ITGA1: variants seen among roughly 807,000 people sequenced by gnomAD.
The protein encoded by ITGA1 is integrin alpha-1.
ITGA1 carries 85 observed loss-of-function variants against 145.9 expected under a neutral mutation model. The observed-to-expected ratio is 0.58, with a 90% confidence interval of 0.49 to 0.70. ITGA1 has a LOEUF of 0.70. Among genes scored for constraint, ITGA1 ranks in the 30% least tolerant of loss-of-function variants. The pLI, the probability that ITGA1 is intolerant of heterozygous loss-of-function variation, is 0.00. For missense variants in ITGA1, 1,351 were observed against 1,418.7 expected (o/e 0.95, Z 0.77); for synonymous variants, 520 against 495.3 (o/e 1.05, Z -0.66).
Position 52,920,426 on chromosome 5 carries a change from A to G in ITGA1, c.2250A>G (p.Thr750=), listed in dbSNP as rs779992920. 1.2e-6 allele frequency: 2 copies of G among 1,610,094 alleles called. No homozygotes were observed. Among genetic ancestry groups the G allele is most frequent in the Non-Finnish European group, 1.7e-6 (2 of 1,178,416 alleles). Residue 750 remains threonine, a synonymous_variant, in exon 17 of 29, where the codon ACA becomes ACG. Transcript: ENST00000282588. ...TQERKVQRNI[T]VRKSECTKHS... ...AGAGAAAGGTTCAAAGGAACATCAC[A>G]GTTCGAAAATCAGAATGCACTAAGC...
chr5:52,870,896 C>T (rs1749766768), intron 6 of ITGA1, among the ~76,000 whole-genome samples: 1 of 152,156 alleles, frequency 6.6e-6, no homozygotes, highest in South Asian at 2.1e-4. Context: ...GAAGGGAGTT[C>T]TCCAAAGAAC....
intron 11 of ITGA1, chr5:52,902,976 GCTCT>G (rs1412174063): frequency 6.6e-6 from 1 of 151,804 alleles, no homozygotes; most frequent in Non-Finnish European, 1.5e-5. Flanking sequence ...CTTGGCTCTG[GCTCT>G]CTTTTTCTTT....
intron 6 of ITGA1, among the ~76,000 whole-genome samples, chr5:52,878,811 C>T (rs1473179679): frequency 2.0e-5 from 3 of 151,972 alleles, no homozygotes; most frequent in African/African-American, 7.3e-5. Flanking sequence ...TTCAAAGCCA[C>T]AGAAGCATAT....
intron 1 of ITGA1, chr5:52,800,669 A>T: frequency 6.2e-7 from 1 of 1,614,106 alleles, no homozygotes; most frequent in Non-Finnish European, 8.5e-7. Flanking sequence ...CAAGAGAATG[A>T]GTATGTCAAG....
rs577287929 is a variant in ITGA1 at position 52,793,278 on chromosome 5, C to T, written c.61+4864C>T. ...ATAGGCACTTTTTAATTGAATGAATCGCAAAAGAATTGACTATTGACAAAC... is the reference window on the plus strand; with the variant it reads ...ATAGGCACTTTTTAATTGAATGAATTGCAAAAGAATTGACTATTGACAAAC... On this transcript the variant is annotated intron_variant, in intron 1 of 28. Transcript: ENST00000282588. Among the ~76,000 whole-genome samples the T allele has an allele frequency of 1.4e-4, 21 of 152,084 alleles. No individual in the cohort carries two copies. The South Asian group carries it at 2.5e-3, about 18-fold the overall frequency.
chr5:52,845,940 G>C (rs1441119827), intron 1 of ITGA1, among the ~76,000 whole-genome samples: 1 of 152,154 alleles, frequency 6.6e-6, no homozygotes, highest in Non-Finnish European at 1.5e-5. Flanking sequence ...CTAGGGATGT[G>C]TTCTGCAAAC....
intron 1 of ITGA1, among the ~76,000 whole-genome samples, chr5:52,816,380 CCACTCACAGT>C (rs1003912807): frequency 6.6e-6 from 1 of 152,114 alleles, no homozygotes; most frequent in Non-Finnish European, 1.5e-5. Context: ...TCAATGTTAG[CCACTCACAGT>C]CACAGGTTTA....
chr5:52,891,571 A>T (rs10055174), intron 8 of ITGA1, among the ~76,000 whole-genome samples: 68,066 of 148,440 alleles, frequency 0.46, 16,333 homozygotes, highest in East Asian at 0.58. Context: ...AAAAAAAAAA[A>T]AAAAACCAAA....
intron 2 of ITGA1, among the ~76,000 whole-genome samples, chr5:52,857,079 G>A (rs1749526270): frequency 6.6e-6 from 1 of 152,194 alleles, no homozygotes; most frequent in Admixed American, 6.5e-5. Flanking sequence ...CCTAGCCTTA[G>A]AAGTCATAGT....
At chr5:52,876,884 C>A (rs1333205387) in intron 6 of ITGA1, among the ~76,000 whole-genome samples, 1 of 152,034 alleles carries the variant, frequency 6.6e-6, no homozygotes, top group African/African-American at 2.4e-5. Context: ...AAAAGTTTTG[C>A]AGAGAGAGTG....
chr5:52,911,601 T>C (rs1199585685), intron 14 of ITGA1, among the ~76,000 whole-genome samples: 32 of 67,282 alleles, frequency 4.8e-4, no homozygotes, highest in African/African-American at 9.1e-4. Flanking sequence ...CTACTATATA[T>C]ACTATATATA....
intron 11 of ITGA1, chr5:52,902,774 C>T (rs1319809524): frequency 6.6e-6 from 1 of 152,070 alleles, no homozygotes; most frequent in Non-Finnish European, 1.5e-5. Context: ...CGGGTTTCAT[C>T]ATGTTGGCCA....
At chr5:52,925,592 T>C in intron 19 of ITGA1, 105 bp downstream of exon 19, 1 of 864,066 alleles carries the variant, frequency 1.2e-6, no homozygotes, top group East Asian at 2.6e-5. Context: ...TTTGAAAGAA[T>C]AGAAGGAATT....
At chr5:52,942,586 AG>A (rs1751070390) in intron 26 of ITGA1, among the ~76,000 whole-genome samples, 1 of 147,612 alleles carries the variant, frequency 6.8e-6, no homozygotes, top group African/African-American at 2.5e-5. Flanking sequence ...GCTGGAGTCC[AG>A]TGGCGCGACC....
intron 1 of ITGA1, among the ~76,000 whole-genome samples, chr5:52,799,654 C>T (rs973369205): frequency 2.0e-5 from 3 of 152,236 alleles, no homozygotes; most frequent in Non-Finnish European, 2.9e-5. Context: ...CAGTAGTTCT[C>T]AGAAACCGCT....
chr5:52,830,511 T>C (rs1021307196), intron 1 of ITGA1, among the ~76,000 whole-genome samples: 1 of 152,216 alleles, frequency 6.6e-6, no homozygotes, highest in African/African-American at 2.4e-5. Context: ...AACTTAGTCA[T>C]TTTTAAGTTG....
intron 2 of ITGA1, among the ~76,000 whole-genome samples, chr5:52,861,221 T>C (rs573041389): frequency 1.1e-4 from 17 of 152,150 alleles, no homozygotes; most frequent in South Asian, 1.0e-3. Flanking sequence ...ATGCTATATA[T>C]GTATATTGTA....
chr5:52,952,418 C>A lies in ITGA1; in HGVS notation c.3507C>A (p.Phe1169Leu). 1 of 1,421,948 alleles carries A rather than the reference C, an allele frequency of 7.0e-7. No homozygotes were observed. The highest frequency in any genetic ancestry group is 1.5e-5 in the African/African-American group (1 of 68,434). The allele number at this position is 1,421,948 out of a possible 1,614,324, so 88.1% of individuals were successfully genotyped here. The change falls in exon 29 of 29, where the codon TTC becomes TTA. Residue 1169 changes from phenylalanine (F) to leucine (L), a missense_variant. Phe to Leu is a conservative substitution (Grantham distance 22). Coordinates refer to ENST00000282588, the MANE Select transcript of ITGA1 (RefSeq NM_181501.2). ...TGTTTTCTCAACAGATTGGATTCTTCAAAAGACCACTGAAAAAGAAAATGG... is the reference window on the plus strand; with the variant it reads ...TGTTTTCTCAACAGATTGGATTCTTAAAAAGACCACTGAAAAAGAAAATGG... ...LILALWKIGF[F>L]KRPLKKKMEK
chr5:52,808,801 C>T (rs191775137), intron 1 of ITGA1, among the ~76,000 whole-genome samples: 19 of 148,974 alleles, frequency 1.3e-4, no homozygotes, highest in Non-Finnish European at 1.6e-4. Flanking sequence ...TATATATCAT[C>T]GGACCTAGTT....
Sources: gnomAD v4.1 joint callset for allele counts (sites outside exome capture counted in the v4.1 genomes callset) on GRCh38, gnomAD v4.1.1 for gene constraint, MANE v1.5 for transcripts, NCBI Gene and HGNC (gene_info 2026-07-23, HGNC 2026-07-21) for gene names.